Variants in EDA observed in about 807,000 individuals in gnomAD.
EDA encodes ectodysplasin-A.
Under a neutral mutation model 23.6 loss-of-function variants are expected in EDA, and 2 were observed. The observed-to-expected ratio is 0.08, with a 90% confidence interval of 0.03 to 0.27. The LOEUF (loss-of-function observed/expected upper bound fraction) is 0.27. Ranked by LOEUF, EDA falls within the 10% of genes least tolerant of loss-of-function variation. EDA has a pLI of 1.00. For missense variants in EDA, 229 were observed against 324.2 expected, an observed-to-expected ratio of 0.71 and a Z score of 2.26; for synonymous variants, 131 against 132.0, an observed-to-expected ratio of 0.99 and a Z score of 0.05.
intron 1 of EDA, among the ~76,000 whole-genome samples, chrX:69,890,991 A>G (rs1001800504): frequency 2.7e-5 from 3 of 111,638 alleles, no homozygotes; most frequent in Non-Finnish European, 5.6e-5. Context: ...CAATCTATGC[A>G]TCTGACAAAT....
chrX:69,870,441 GCAAA>G (rs1250650599), intron 1 of EDA, among the ~76,000 whole-genome samples: 3 of 111,010 alleles, frequency 2.7e-5, no homozygotes, highest in East Asian at 5.7e-4. Context: ...AGGTCTAGAG[GCAAA>G]CAGAGATGTT....
At chrX:69,741,382 T>G (rs761788558) in intron 1 of EDA, among the ~76,000 whole-genome samples, 3 of 111,740 alleles carry the variant, frequency 2.7e-5, no homozygotes, top group Non-Finnish European at 5.7e-5. Flanking sequence ...GCTAGTTGTT[T>G]AGTGATTTGG....
intron 1 of EDA, among the ~76,000 whole-genome samples, chrX:69,735,822 G>A (rs985522951): frequency 1.8e-5 from 2 of 111,569 alleles, no homozygotes; most frequent in African/African-American, 6.5e-5. Context: ...TTGGGGCAAA[G>A]CTGCTGGAAA....
At chrX:69,722,703 A>T (rs1046380544) in intron 1 of EDA, among the ~76,000 whole-genome samples, 2 of 111,306 alleles carry the variant, frequency 1.8e-5, no homozygotes, top group African/African-American at 6.5e-5. Flanking sequence ...TCATTACACT[A>T]GTAGAGCTAT....
intron 1 of EDA, among the ~76,000 whole-genome samples, chrX:69,813,024 G>C (rs1220604620): frequency 1.8e-5 from 2 of 111,513 alleles, no homozygotes; most frequent in African/African-American, 6.5e-5. Flanking sequence ...ACAACTGGCA[G>C]ACTGCTAATA....
At chrX:69,852,380 C>G (rs2017155822) in intron 1 of EDA, among the ~76,000 whole-genome samples, 1 of 111,922 alleles carries the variant, frequency 8.9e-6, no homozygotes, top group African/African-American at 3.3e-5. Context: ...CCACCCACCT[C>G]AGCCTCCCAA....
At chrX:69,654,969 A>AC (rs1555977516) in intron 1 of EDA, among the ~76,000 whole-genome samples, 78 of 110,964 alleles carry the variant, frequency 7.0e-4, no homozygotes, top group African/African-American at 2.5e-3. Flanking sequence ...TAAAAAAAAA[A>AC]CAAAAAAAAG....
intron 2 of EDA, among the ~76,000 whole-genome samples, chrX:69,959,518 C>T (rs2019069269): frequency 8.9e-6 from 1 of 111,788 alleles, no homozygotes; most frequent in South Asian, 3.7e-4. Flanking sequence ...ATTCAATACA[C>T]TCATCAAATA....
intron 1 of EDA, among the ~76,000 whole-genome samples, chrX:69,875,325 C>T (rs770702908): frequency 4.5e-5 from 5 of 111,678 alleles, no homozygotes; most frequent in Admixed American, 9.5e-5. Flanking sequence ...GAAATAAAGT[C>T]AAACACTTAG....
chrX:69,746,788 G>A (rs141987623), intron 1 of EDA, among the ~76,000 whole-genome samples: 21 of 111,311 alleles, frequency 1.9e-4, no homozygotes, highest in South Asian at 7.7e-4. Flanking sequence ...ACCATCCTCC[G>A]GATGGTGAGG....
At chrX:69,966,474 G>A (rs1321022565) in intron 2 of EDA, among the ~76,000 whole-genome samples, 1 of 109,218 alleles carries the variant, frequency 9.2e-6, no homozygotes, top group African/African-American at 3.3e-5. Context: ...AGCTACTAGG[G>A]AGGCTGAGGC....
intron 1 of EDA, among the ~76,000 whole-genome samples, chrX:69,786,878 G>A (rs1321581581): frequency 1.8e-5 from 2 of 108,737 alleles, no homozygotes; most frequent in Admixed American, 9.9e-5. Flanking sequence ...TCTGTCTGAT[G>A]TTGACAGTGG....
At chrX:69,669,585 A>T (rs1046913567) in intron 1 of EDA, among the ~76,000 whole-genome samples, 1 of 112,272 alleles carries the variant, frequency 8.9e-6, no homozygotes, top group Non-Finnish European at 1.9e-5. Context: ...TTTTTGATGT[A>T]ACAATTTACA....
chrX:69,834,413 G>A (rs2016711219), intron 1 of EDA, among the ~76,000 whole-genome samples: 1 of 111,373 alleles, frequency 9.0e-6, no homozygotes, highest in African/African-American at 3.3e-5. Flanking sequence ...ATATATTTAG[G>A]ATAGTTAGCT....
intron 1 of EDA, among the ~76,000 whole-genome samples, chrX:69,874,237 G>A (rs368295162): frequency 8.1e-5 from 9 of 110,750 alleles, no homozygotes; most frequent in East Asian, 2.8e-4. Flanking sequence ...ACGTGAACCC[G>A]GGAGGCAGAG....
intron 1 of EDA, among the ~76,000 whole-genome samples, chrX:69,705,235 AAAAAG>A (rs1216072844): frequency 9.5e-5 from 10 of 104,757 alleles, no homozygotes; most frequent in South Asian, 8.7e-4. Context: ...AAAAAAAAAA[AAAAAG>A]AAAGAAAGAA....
chrX:69,884,471 G>A (rs890185236), intron 1 of EDA, among the ~76,000 whole-genome samples: 1 of 112,161 alleles, frequency 8.9e-6, no homozygotes, highest in African/African-American at 3.2e-5. Flanking sequence ...GATTATGTAA[G>A]TGAATTATAT....
intron 1 of EDA, among the ~76,000 whole-genome samples, chrX:69,834,868 T>C (rs781666701): frequency 3.6e-4 from 40 of 111,791 alleles, no homozygotes; most frequent in African/African-American, 1.3e-3. Flanking sequence ...TTCCTTTCCA[T>C]GTTTAGTGTT....
At chrX:69,758,637 C>T (rs187547404) in intron 1 of EDA, among the ~76,000 whole-genome samples, 18 of 112,009 alleles carry the variant, frequency 1.6e-4, no homozygotes, top group African/African-American at 5.8e-4. Context: ...AGTTCAAGAC[C>T]AGTCTGGCCA....
Sources: gnomAD v4.1 joint callset for allele counts (sites outside exome capture counted in the v4.1 genomes callset) on GRCh38, gnomAD v4.1.1 for gene constraint, MANE v1.5 for transcripts, NCBI Gene and HGNC (gene_info 2026-07-23, HGNC 2026-07-21) for gene names.